The following ABR variants were observed in gnomAD, a reference collection of about 807,000 sequenced individuals.
ABR encodes ABR activator of RhoGEF and GTPase, also known as active breakpoint cluster region-related protein.
Under a neutral mutation model 107.2 loss-of-function variants are expected in ABR, and 35 were observed. The observed-to-expected ratio is 0.33, with a 90% CI of 0.25 to 0.43. The LOEUF (loss-of-function observed/expected upper bound fraction) is 0.43. Ranked by LOEUF, ABR falls within the 20% of genes least tolerant of loss-of-function variation. ABR has a pLI of 1.00. For synonymous variants in ABR, 498 were observed against 462.0 expected, an observed-to-expected ratio of 1.08 and a Z score of -1.00; for missense variants, 815 against 1,115.2, an observed-to-expected ratio of 0.73 and a Z score of 3.83.
chr17:1,097,436 C>T (rs1435574270), intron 3 of ABR, among the ~76,000 whole-genome samples: 2 of 151,686 alleles, frequency 1.3e-5, no homozygotes, highest in Non-Finnish European at 2.9e-5. Flanking sequence ...ACTAAAAATA[C>T]AAAAATTAGC....
chr17:1,179,651 C>A lies in ABR; in HGVS notation c.61+16G>T. On this transcript the variant is annotated intron_variant, in intron 1 of 22. Coordinates refer to ENST00000302538, the MANE Select transcript of ABR (RefSeq NM_021962.5). This position sits in a 1 kb window ranked among gnomAD's most constrained non-coding sequence, Gnocchi z 4.9. ...GATCCCGATCCTGGGGTCCCGCCCCCGCCCGGCACACGTACTGCTGTAGAG... is the reference window on the plus strand; with the variant it reads ...GATCCCGATCCTGGGGTCCCGCCCCAGCCCGGCACACGTACTGCTGTAGAG... 6.5e-7 allele frequency: 1 copy of A among 1,526,796 alleles called. No homozygotes were observed. Among genetic ancestry groups the A allele is most frequent in the Non-Finnish European group, 8.8e-7 (1 of 1,136,354 alleles). The allele number at this position is 1,526,796 out of a possible 1,614,324, so 94.6% of individuals were successfully genotyped here. A position where few individuals can be genotyped will look rare whatever the true frequency, so the allele number is the denominator to read the frequency against.
chr17:1,212,759 G>A (rs544981848), intron 1 of ABR, among the ~76,000 whole-genome samples: 122 of 152,040 alleles, frequency 8.0e-4, no homozygotes, highest in Non-Finnish European at 1.3e-3. Flanking sequence ...TGTGGTGGCG[G>A]ACGCCTGTAA....
intron 1 of ABR, among the ~76,000 whole-genome samples, chr17:1,170,656 C>G (rs2041676216): frequency 6.6e-6 from 1 of 151,954 alleles, no homozygotes; most frequent in South Asian, 2.1e-4. Flanking sequence ...GGCTGGTCTC[C>G]AACTCCTGAC....
In ABR at chr17:1,008,855, G is replaced by C. The variant is rs560966753; in HGVS notation, c.2342+824C>G. On this transcript the variant is annotated intron_variant, in intron 21 of 22. Coordinates refer to ENST00000302538, the MANE Select transcript of ABR (RefSeq NM_021962.5). ...TGAGGACCTCTGAACTTTGCTACAA[G>C]TACAACCAACTTTAGCCACTCTTGG... Among the ~76,000 whole-genome samples, 3 of 152,340 alleles carry C rather than the reference G, an allele frequency of 2.0e-5. No individual in the cohort carries two copies. The East Asian group carries it at 5.8e-4, about 29-fold the overall frequency.
Position 1,054,497 on chromosome 17 carries a change from A to G in ABR, c.1561+1538T>C, listed in dbSNP as rs1383358150. 2.9e-3 allele frequency among the ~76,000 whole-genome samples: 377 copies of G among 129,568 alleles called. 8 individuals are homozygous for G. Among genetic ancestry groups the G allele is most frequent in the African/African-American group, 0.012 (355 of 29,554 alleles). The allele number at this position is 129,568 out of a possible 152,430, so 85.0% of individuals were successfully genotyped here. ...GGGATGGGGGCACAAGGAACCTCAA[A>G]GGGATGGGGATACAAGGAACCTCAG... On this transcript the variant is annotated intron_variant, in intron 14 of 22. Transcript: ENST00000302538.
intron 8 of ABR, among the ~76,000 whole-genome samples, chr17:1,072,092 C>T (rs2035285027): frequency 6.6e-6 from 1 of 152,170 alleles, no homozygotes; most frequent in African/African-American, 2.4e-5. Flanking sequence ...TTAGTAAAGA[C>T]GGGGCTTCAC....
chr17:1,121,816 C>T, intron 2 of ABR, among the ~76,000 whole-genome samples: 1 of 152,164 alleles, frequency 6.6e-6, no homozygotes. Context: ...CACTACCTTT[C>T]AGGGGAGTTA....
chr17:1,170,518 C>A (rs2041668101), intron 1 of ABR, among the ~76,000 whole-genome samples: 1 of 152,166 alleles, frequency 6.6e-6, no homozygotes, highest in South Asian at 2.1e-4. Flanking sequence ...GTCACTACAA[C>A]CTCCGCCTCC....
At chr17:1,046,675 G>A (rs932615398) in intron 16 of ABR, among the ~76,000 whole-genome samples, 12 of 152,228 alleles carry the variant, frequency 7.9e-5, no homozygotes, top group African/African-American at 2.4e-4. Flanking sequence ...GCCATGCCAC[G>A]GCCCTCTGTC....
At chr17:1,021,933 C>T (rs768555443) in intron 16 of ABR, among the ~76,000 whole-genome samples, 51 of 151,384 alleles carry the variant, frequency 3.4e-4, no homozygotes, top group Non-Finnish European at 6.8e-4. Flanking sequence ...CAGAGGCGGG[C>T]GGATCACTCG....
chr17:1,009,192 G>A (rs9891093), intron 21 of ABR, among the ~76,000 whole-genome samples: 207 of 58,036 alleles, frequency 3.6e-3, no homozygotes, highest in African/African-American at 4.3e-3. Context: ...CATCCCCACT[G>A]CTGTCCATTC....
chr17:1,132,030 CCT>C (rs1410819147), intron 1 of ABR, among the ~76,000 whole-genome samples: 12 of 151,966 alleles, frequency 7.9e-5, no homozygotes, highest in South Asian at 6.3e-4. Context: ...ACAGCTCCCC[CCT>C]CTTTGCACAC....
Position 1,050,665 on chromosome 17 carries a change from G to A in ABR, c.1562-31C>T. On this transcript the variant is annotated intron_variant, in intron 14 of 22. Transcript: ENST00000302538. The surrounding 1 kb of genome is among the most constrained non-coding windows in gnomAD (Gnocchi z 4.6). ...GGGGAAGGACAGACGGAGATACTGA[G>A]TGAGTGGGGCCAGGGTGGGGCAGCT... The A allele has an allele frequency of 6.3e-7, 1 of 1,591,260 alleles. No homozygotes were observed. The highest frequency in any genetic ancestry group is 1.7e-5 in the Admixed American group (1 of 59,920).
At chr17:1,175,843 G>A (rs929391352) in intron 1 of ABR, among the ~76,000 whole-genome samples, 1 of 152,186 alleles carries the variant, frequency 6.6e-6, no homozygotes, top group Non-Finnish European at 1.5e-5. Context: ...TGTAATCCCA[G>A]CACTTTGGGA....
intron 2 of ABR, among the ~76,000 whole-genome samples, chr17:1,123,801 A>C (rs1264895775): frequency 4.6e-5 from 7 of 152,106 alleles, no homozygotes; most frequent in African/African-American, 1.4e-4. Flanking sequence ...AGGTCCCTGA[A>C]CACCTGCTCT....
intron 1 of ABR, among the ~76,000 whole-genome samples, chr17:1,192,596 G>A (rs1485564315): frequency 6.6e-6 from 1 of 151,688 alleles, no homozygotes; most frequent in African/African-American, 2.4e-5. Context: ...GGCCAACATG[G>A]TGAAATCCCG....
At chr17:1,147,231 C>T (rs897424388) in intron 1 of ABR, among the ~76,000 whole-genome samples, 1 of 152,244 alleles carries the variant, frequency 6.6e-6, no homozygotes, top group Non-Finnish European at 1.5e-5. Flanking sequence ...ATGGTGCAGT[C>T]TCCATCAGGC....
intron 2 of ABR, among the ~76,000 whole-genome samples, chr17:1,111,561 C>G (rs567712166): frequency 6.6e-6 from 1 of 152,208 alleles, no homozygotes; most frequent in African/African-American, 2.4e-5. Context: ...AAGGCCCCCC[C>G]AAACGGTTTA....
At chr17:1,124,307 G>A (rs980906983) in intron 2 of ABR, among the ~76,000 whole-genome samples, 73 of 152,190 alleles carry the variant, frequency 4.8e-4, no homozygotes, top group African/African-American at 1.4e-3. Flanking sequence ...CTCTGGGGAC[G>A]TCAGAAGGCA....
Sources: gnomAD v4.1 joint callset for allele counts (sites outside exome capture counted in the v4.1 genomes callset) on GRCh38, gnomAD v4.1.1 for gene constraint, Gnocchi (gnomAD v3.1) non-coding constraint, MANE v1.5 for transcripts, NCBI Gene and HGNC (gene_info 2026-07-23, HGNC 2026-07-21) for gene names.